The following BBS9 variants were observed in gnomAD, a reference collection of about 807,000 sequenced individuals.
The protein encoded by BBS9 is protein PTHB1.
BBS9 carries 89 observed loss-of-function variants against 117.7 expected under a neutral mutation model. That is an observed-to-expected ratio of 0.76 (90% confidence interval 0.64 to 0.90). The LOEUF (loss-of-function observed/expected upper bound fraction) is 0.90, where lower values mean the gene tolerates loss of function less well. Ranked by LOEUF, BBS9 falls within the 40% of genes least tolerant of loss-of-function variation. The probability of loss-of-function intolerance (pLI) is 0.00; values close to 1 mark genes in which losing one functional copy is unlikely to be tolerated. For synonymous variants in BBS9, 379 were observed against 370.9 expected (o/e 1.02, Z -0.25); for missense variants, 982 against 1,042.2 (o/e 0.94, Z 0.80).
chr7:33,215,256 A>T (rs1788832645), intron 5 of BBS9, among the ~76,000 whole-genome samples: 1 of 152,234 alleles, frequency 6.6e-6, no homozygotes, highest in East Asian at 1.9e-4. Flanking sequence ...TGACAAAGCT[A>T]TAGTATACAA....
chr7:33,561,357 G>T (rs1381598745), intron 21 of BBS9, among the ~76,000 whole-genome samples: 1 of 152,132 alleles, frequency 6.6e-6, no homozygotes, highest in Non-Finnish European at 1.5e-5. Flanking sequence ...TTTAATGCAG[G>T]CCATGATGAC....
At chr7:33,574,925 C>T (rs534818434) in intron 21 of BBS9, among the ~76,000 whole-genome samples, 6 of 151,974 alleles carry the variant, frequency 3.9e-5, no homozygotes, top group Non-Finnish European at 7.4e-5. Flanking sequence ...TTAAATACCT[C>T]AAGATTTCTT....
intron 9 of BBS9, among the ~76,000 whole-genome samples, chr7:33,335,494 G>C (rs187710620): frequency 1.0e-3 from 158 of 152,208 alleles, no homozygotes; most frequent in Admixed American, 2.4e-3. Context: ...ACTCAAAATG[G>C]CTTATCACGA....
intron 19 of BBS9, among the ~76,000 whole-genome samples, chr7:33,455,614 C>T (rs930975165): frequency 5.3e-5 from 8 of 152,166 alleles, no homozygotes; most frequent in Admixed American, 3.3e-4. Context: ...ACTATCCCCG[C>T]ACCAATGATT....
chr7:33,328,957 C>CT (rs1030944799), intron 9 of BBS9, among the ~76,000 whole-genome samples: 1 of 150,524 alleles, frequency 6.6e-6, no homozygotes. Context: ...GAAAATAGAA[C>CT]TTTTTTTTTC....
chr7:33,494,477 A>C (rs1230225745), intron 19 of BBS9, among the ~76,000 whole-genome samples: 2 of 152,218 alleles, frequency 1.3e-5, no homozygotes, highest in African/African-American at 4.8e-5. Flanking sequence ...ATTCATTGTA[A>C]TATAATACAT....
chr7:33,185,007 T>C (rs1254203342), intron 5 of BBS9, among the ~76,000 whole-genome samples: 2 of 152,216 alleles, frequency 1.3e-5, no homozygotes, highest in East Asian at 1.9e-4. Context: ...CTTTAGACCA[T>C]ACAATGTAAT....
intron 19 of BBS9, among the ~76,000 whole-genome samples, chr7:33,475,208 T>C (rs895451995): frequency 1.3e-5 from 2 of 152,124 alleles, no homozygotes; most frequent in African/African-American, 2.4e-5. Context: ...ATAGCAACAA[T>C]AGACAATAAA....
chr7:33,431,679 C>T (rs1000997904), intron 19 of BBS9, among the ~76,000 whole-genome samples: 3 of 152,176 alleles, frequency 2.0e-5, no homozygotes, highest in East Asian at 1.9e-4. Flanking sequence ...TTTCCAGCCA[C>T]CCGTACTGTG....
rs116057052 is a variant in BBS9 at position 33,360,966 on chromosome 7, G to A, written c.1693+2971G>A. 9.1e-3 allele frequency among the ~76,000 whole-genome samples: 1,381 copies of A among 152,130 alleles called. 21 individuals are homozygous for A. Among genetic ancestry groups the A allele is most frequent in the African/African-American group, 0.032 (1,320 of 41,508 alleles). ...TCTTTAGTGTGTTGACTTGTTCCAC[G>A]ACAATAAGATATTTGCTTCAGCTTC... On this transcript the variant is annotated intron_variant, in intron 16 of 22. Transcript: ENST00000242067.
intron 17 of BBS9, among the ~76,000 whole-genome samples, chr7:33,382,305 C>G (rs749136582): frequency 6.6e-6 from 1 of 151,936 alleles, no homozygotes; most frequent in Middle Eastern, 3.4e-3. Context: ...ACTAAAAATA[C>G]AAAAATTGGC....
At chr7:33,487,707 C>T (rs549034246) in intron 19 of BBS9, among the ~76,000 whole-genome samples, 9 of 152,138 alleles carry the variant, frequency 5.9e-5, no homozygotes, top group Admixed American at 2.0e-4. Context: ...GGCCTCTCAT[C>T]CCAGTAATTC....
intron 19 of BBS9, among the ~76,000 whole-genome samples, chr7:33,443,273 G>A (rs892377721): frequency 2.0e-5 from 3 of 152,068 alleles, no homozygotes; most frequent in Non-Finnish European, 4.4e-5. Flanking sequence ...AATGGAAAAG[G>A]AGACTTGCTT....
At chr7:33,282,154 C>G (rs1300573463) in intron 9 of BBS9, among the ~76,000 whole-genome samples, 2 of 151,980 alleles carry the variant, frequency 1.3e-5, no homozygotes, top group African/African-American at 4.8e-5. Context: ...AAAATAATAA[C>G]CTTTGTGGTT....
intron 1 of BBS9, among the ~76,000 whole-genome samples, chr7:33,142,354 T>C (rs900894004): frequency 2.6e-5 from 4 of 152,348 alleles, no homozygotes; most frequent in Non-Finnish European, 4.4e-5. Flanking sequence ...CTAACACTTA[T>C]TGAGTGCTTA....
At chr7:33,565,564 C>T (rs1030840112) in intron 21 of BBS9, among the ~76,000 whole-genome samples, 4 of 151,510 alleles carry the variant, frequency 2.6e-5, no homozygotes, top group African/African-American at 7.3e-5. Context: ...TTCCAGGGTG[C>T]ATGATGATAG....
intron 21 of BBS9, among the ~76,000 whole-genome samples, chr7:33,591,553 T>G (rs919479497): frequency 1.1e-4 from 16 of 152,020 alleles, no homozygotes; most frequent in Non-Finnish European, 2.1e-4. Context: ...ACTGGGAGAA[T>G]TAAAGTCATA....
chr7:33,583,792 A>G (rs564341263), intron 21 of BBS9, among the ~76,000 whole-genome samples: 1 of 152,150 alleles, frequency 6.6e-6, no homozygotes, highest in African/African-American at 2.4e-5. Flanking sequence ...CGCACTAACT[A>G]GCTGTGTGAC....
intron 9 of BBS9, among the ~76,000 whole-genome samples, chr7:33,324,689 T>C (rs1187919628): frequency 6.6e-6 from 1 of 152,164 alleles, no homozygotes; most frequent in Non-Finnish European, 1.5e-5. Flanking sequence ...CAGCTTTTGT[T>C]TGTCTGGGAT....
Sources: allele counts gnomAD v4.1 joint callset (sites outside exome capture counted in the v4.1 genomes callset), GRCh38; gene constraint gnomAD v4.1.1; transcripts MANE v1.5; gene names NCBI Gene and HGNC (gene_info 2026-07-23, HGNC 2026-07-21).